Variants in SCN11A observed in about 807,000 individuals in gnomAD.
SCN11A encodes sodium channel protein type 11 subunit alpha.
A neutral mutation model predicts 162.2 loss-of-function variants in SCN11A; 122 were observed. The observed-to-expected ratio is 0.75, with a 90% CI of 0.65 to 0.87. The LOEUF is 0.87. SCN11A is among the 40% of genes least tolerant of loss of function. SCN11A has a pLI of 0.00. For missense variants in SCN11A, 2,015 were observed against 2,181.6 expected, an observed-to-expected ratio of 0.92 and a Z score of 1.52; for synonymous variants, 758 against 751.5, an observed-to-expected ratio of 1.01 and a Z score of -0.14.
At chr3:38,872,633 T>A (rs950684771) in intron 23 of SCN11A, among the ~76,000 whole-genome samples, 1 of 152,182 alleles carries the variant, frequency 6.6e-6, no homozygotes, top group East Asian at 1.9e-4. Context: ...AAGATCTTTA[T>A]GGTGAATTTG....
chr3:38,955,607 A>T (rs2125581138), intron 3 of SCN11A, among the ~76,000 whole-genome samples: 1 of 152,372 alleles, frequency 6.6e-6, no homozygotes, highest in East Asian at 1.9e-4. Context: ...ATTTGTACAG[A>T]AATACTTAAT....
At chr3:38,866,081 AT>A (rs754892456) in intron 27 of SCN11A, among the ~76,000 whole-genome samples, 2 of 152,212 alleles carry the variant, frequency 1.3e-5, no homozygotes, top group Non-Finnish European at 2.9e-5. Context: ...AATTTTAAAA[AT>A]GGTCATAATT....
chr3:38,962,951 C>T (rs967350672), intron 2 of SCN11A, among the ~76,000 whole-genome samples: 11 of 151,792 alleles, frequency 7.2e-5, no homozygotes, highest in African/African-American at 2.7e-4. Context: ...TGAAAAAATG[C>T]TCAACATCAC....
chr3:38,883,120 A>C (rs2065337031), intron 22 of SCN11A, 113 bp downstream of exon 22: 1 of 910,882 alleles, frequency 1.1e-6, no homozygotes, highest in African/African-American at 1.7e-5. Context: ...GCAGCATCAG[A>C]GACCACTTCT....
intron 2 of SCN11A, among the ~76,000 whole-genome samples, chr3:39,006,776 T>C (rs1231530976): frequency 6.6e-6 from 1 of 152,050 alleles, no homozygotes; most frequent in African/African-American, 2.4e-5. Flanking sequence ...CACTCCATCC[T>C]GGGTGACAGA....
At chr3:38,921,730 A>G (rs532081585) in intron 9 of SCN11A, among the ~76,000 whole-genome samples, 1 of 152,260 alleles carries the variant, frequency 6.6e-6, no homozygotes, top group Admixed American at 6.5e-5. Context: ...ATTTGTCTAG[A>G]CCCAAATTAT....
intron 8 of SCN11A, 117 bp from the exon 9 acceptor site, chr3:38,925,626 C>T (rs557136387): frequency 1.5e-5 from 10 of 678,098 alleles, no homozygotes; most frequent in African/African-American, 1.4e-4. Flanking sequence ...AAGGTGAAAT[C>T]GACAGCCTCA....
intron 2 of SCN11A, among the ~76,000 whole-genome samples, chr3:39,022,162 G>A (rs976395576): frequency 1.3e-5 from 2 of 152,094 alleles, no homozygotes; most frequent in African/African-American, 4.8e-5. Context: ...GATATCAGAG[G>A]GCCAAAAACT....
intron 1 of SCN11A, among the ~76,000 whole-genome samples, chr3:39,050,071 G>A (rs1399356322): frequency 6.6e-6 from 1 of 152,302 alleles, no homozygotes; most frequent in East Asian, 1.9e-4. Context: ...AGACACTTAA[G>A]CAATTTTTAA....
chr3:38,881,928 T>C (rs1055511420), intron 22 of SCN11A, among the ~76,000 whole-genome samples: 1 of 152,180 alleles, frequency 6.6e-6, no homozygotes, highest in Non-Finnish European at 1.5e-5. Flanking sequence ...TGGGGCATTT[T>C]TGCTGTGGCC....
intron 2 of SCN11A, among the ~76,000 whole-genome samples, chr3:38,987,299 TCTCTCACACACA>T (rs778654905): frequency 0.016 from 1,806 of 111,612 alleles, 22 homozygotes; most frequent in Middle Eastern, 0.034. Flanking sequence ...TCTCTCTCTC[TCTCTCACACACA>T]CACACACACA....
chr3:38,943,350 A>C (rs1163205768), intron 7 of SCN11A, among the ~76,000 whole-genome samples: 1 of 152,182 alleles, frequency 6.6e-6, no homozygotes, highest in East Asian at 1.9e-4. Flanking sequence ...GCAAAGAGGC[A>C]TGAGACGTTT....
At chr3:39,000,138 C>G (rs962730166) in intron 2 of SCN11A, among the ~76,000 whole-genome samples, 1 of 152,182 alleles carries the variant, frequency 6.6e-6, no homozygotes, top group African/African-American at 2.4e-5. Flanking sequence ...TGACTTTAAA[C>G]TTCATTTCCA....
chr3:38,950,151 CG>C lies in SCN11A; in HGVS notation c.211del (p.Arg71ValfsTer4). On this transcript the variant is annotated frameshift_variant, in exon 5 of 30. Coordinates refer to ENST00000302328, the MANE Select transcript of SCN11A (RefSeq NM_001349253.2). LOFTEE classifies it high-confidence loss of function. ...KLPKLYGDIP[R>X]ELIGKPLEDL... ...TTCCAGAGGCTTTCCTATGAGCTCACGAGGAATGTCGCCATAGAGCTTGGGC... is the reference window on the plus strand; with the variant it reads ...TTCCAGAGGCTTTCCTATGAGCTCACAGGAATGTCGCCATAGAGCTTGGGC... The C allele has an allele frequency of 6.2e-7, 1 of 1,605,986 alleles. No homozygotes were observed. Among genetic ancestry groups the C allele is most frequent in the Non-Finnish European group, 8.5e-7 (1 of 1,177,688 alleles).
At chr3:38,886,305 T>C (rs2065399944) in intron 19 of SCN11A, 67 bp from the exon 20 acceptor site, 7 of 1,024,036 alleles carry the variant, frequency 6.8e-6, no homozygotes, top group Admixed American at 2.1e-5. Context: ...TGAAAGAAGT[T>C]TGAATGCTAT....
intron 4 of SCN11A, among the ~76,000 whole-genome samples, chr3:38,952,275 C>G (rs1176361414): frequency 6.6e-6 from 1 of 152,088 alleles, no homozygotes; most frequent in Non-Finnish European, 1.5e-5. Context: ...AGGATAATAG[C>G]TTCTTTGAGG....
intron 1 of SCN11A, among the ~76,000 whole-genome samples, chr3:39,049,396 A>G (rs1263169902): frequency 6.6e-6 from 1 of 152,268 alleles, no homozygotes; most frequent in Non-Finnish European, 1.5e-5. Context: ...GATAGTGTCT[A>G]AAGCACTGAG....
At chr3:38,980,804 G>C (rs945247010) in intron 2 of SCN11A, among the ~76,000 whole-genome samples, 8 of 152,162 alleles carry the variant, frequency 5.3e-5, no homozygotes, top group Admixed American at 5.2e-4. Flanking sequence ...GATATCCAGG[G>C]CAGCTTTTCC....
At chr3:38,876,074 G>A (rs748785307) in intron 23 of SCN11A, among the ~76,000 whole-genome samples, 1 of 152,090 alleles carries the variant, frequency 6.6e-6, no homozygotes, top group Non-Finnish European at 1.5e-5. Flanking sequence ...ACAGCCAACC[G>A]ATCTTCGACA....
Sources: allele counts gnomAD v4.1 joint callset (sites outside exome capture counted in the v4.1 genomes callset), GRCh38; gene constraint gnomAD v4.1.1; transcripts MANE v1.5; gene names NCBI Gene and HGNC (gene_info 2026-07-23, HGNC 2026-07-21).